The following LDHB variants were observed in gnomAD, a reference collection of about 807,000 sequenced individuals.
The protein encoded by LDHB is lactate dehydrogenase B, also known as L-lactate dehydrogenase B chain.
A neutral mutation model predicts 33.4 loss-of-function variants in LDHB; 18 were observed. The ratio of observed to expected loss-of-function variants is 0.54; its 90% CI spans 0.37 to 0.80. The LOEUF (loss-of-function observed/expected upper bound fraction) is 0.80. Among genes scored for constraint, LDHB ranks in the 30% least tolerant of loss-of-function variants. The pLI is 0.00. For missense variants in LDHB, 345 were observed against 407.9 expected, an observed-to-expected ratio of 0.85 and a Z score of 1.33; for synonymous variants, 121 against 140.6, an observed-to-expected ratio of 0.86 and a Z score of 0.98.
In LDHB at chr12:21,640,984, T is replaced by C. The variant is rs550080202; in HGVS notation, c.595+968A>G. Among the ~76,000 whole-genome samples, 323 of 152,196 alleles carry C rather than the reference T, an allele frequency of 2.1e-3. 1 individual carries two copies. The Middle Eastern group carries it at 0.027, about 13-fold the overall frequency. On this transcript the variant is annotated intron_variant, in intron 5 of 7. Transcript: ENST00000350669. ...TAAATAAAGAGGGAAGATGAAAAAT[T>C]TCTGTCTTACAGTGGAATGCAACTA... is the stretch of plus-strand genomic sequence containing the variant.
rs1389611450 is a variant in LDHB at position 21,635,803 on chromosome 12, C to T, written c.838-94G>A. On this transcript the variant is annotated intron_variant, in intron 7 of 7. Transcript: ENST00000350669. ...CTGAGGTGGGAGGACTGTTTGAGCC[C>T]AGGAGTTTGAAGCTTCAGTGAGCTA... 1.1e-5 allele frequency: 13 copies of T among 1,171,708 alleles called. No homozygotes were observed. In the African/African-American group the frequency reaches 1.2e-4, roughly 11 times the overall value. The allele number at this position is 1,171,708 out of a possible 1,614,324, so 72.6% of individuals were successfully genotyped here.
rs1304175400 is a variant in LDHB, at chr12:21,635,447, C to T, written c.*95G>A. Reference sequence around the variant, plus strand: ...CCCAAATTCACATATTGAAGAAGATCAAAGCAAACTGTGATCCATGTACAT... The same window carrying T: ...CCCAAATTCACATATTGAAGAAGATTAAAGCAAACTGTGATCCATGTACAT... On this transcript the variant is annotated 3_prime_UTR_variant, in exon 8 of 8. Transcript: ENST00000350669. The T allele has an allele frequency of 9.5e-7, 1 of 1,053,620 alleles. No individual in the cohort carries two copies. Among genetic ancestry groups the T allele is most frequent in the Non-Finnish European group, 1.5e-6 (1 of 674,680 alleles). 65.3% of individuals were successfully genotyped at this position (1,053,620 alleles called of 1,614,324 possible).
intron 3 of LDHB, among the ~76,000 whole-genome samples, chr12:21,644,631 TAAGG>T (rs1245423063): frequency 6.6e-6 from 1 of 152,142 alleles, no homozygotes; most frequent in African/African-American, 2.4e-5. Context: ...ATTTTTTTCT[TAAGG>T]AAGTGTGTCC....
intron 6 of LDHB, among the ~76,000 whole-genome samples, chr12:21,637,684 G>A (rs886131720): frequency 1.3e-5 from 2 of 151,988 alleles, no homozygotes; most frequent in African/African-American, 2.4e-5. Context: ...AAAGGCCCTG[G>A]CACTTGAGAA....
intron 3 of LDHB, among the ~76,000 whole-genome samples, chr12:21,644,424 C>CAAAAAAAAAAAAACAAAAAAA (rs1591830643): frequency 2.0e-4 from 3 of 15,244 alleles, no homozygotes; most frequent in African/African-American, 2.6e-4. Flanking sequence ...AGGTAGACAT[C>CAAAAAAAAAAAAACAAAAAAA]AAAAAAAAAA....
At chr12:21,635,829 T>C in intron 7 of LDHB, 120 bp from the exon 8 acceptor site, 2 of 824,120 alleles carry the variant, frequency 2.4e-6, no homozygotes, top group Non-Finnish European at 4.0e-6. Context: ...CAGTGAGCTA[T>C]GACAGCGGTA....
intron 5 of LDHB, 139 bp downstream of exon 5, chr12:21,641,808 GGAATA>G (rs1274253190): frequency 2.9e-5 from 19 of 666,584 alleles, no homozygotes; most frequent in Non-Finnish European, 4.6e-5. Flanking sequence ...AAAGCAAAAT[GGAATA>G]GAATAGAAAA....
chr12:21,651,875 T>A (rs940553806), intron 2 of LDHB, among the ~76,000 whole-genome samples: 5 of 152,240 alleles, frequency 3.3e-5, no homozygotes, highest in African/African-American at 1.2e-4. Flanking sequence ...TCAAAAATAT[T>A]CATTAGATAG....
chr12:21,642,478 C>A (rs777104240), intron 4 of LDHB, among the ~76,000 whole-genome samples: 9 of 151,760 alleles, frequency 5.9e-5, no homozygotes, highest in Non-Finnish European at 1.3e-4. Context: ...TAAGTTTCCC[C>A]CAGTTGTAAC....
rs11547929 is a variant in LDHB at position 21,654,618 on chromosome 12, T to C, written c.54A>G (p.Thr18=). Residue 18 remains threonine (T), a synonymous_variant, in exon 2 of 8, where the codon ACA becomes ACG. Transcript: ENST00000350669. ...LIAPVAEEEA[T]VPNNKITVVG... The stretch of plus-strand genomic sequence containing the variant: ...CTACAGTGATCTTATTGTTTGGAAC[T>C]GTTGCCTCTTCTTCCGCAACTGGTG... 6.2e-7 allele frequency: 1 copy of C among 1,614,072 alleles called. No homozygotes were observed. Among genetic ancestry groups the C allele is most frequent in the Admixed American group, 1.7e-5 (1 of 60,036 alleles).
chr12:21,640,902 G>A (rs1314042296), intron 5 of LDHB, among the ~76,000 whole-genome samples: 3 of 151,590 alleles, frequency 2.0e-5, no homozygotes, highest in Admixed American at 6.6e-5. Flanking sequence ...ACAAATGATA[G>A]TGACACAATA....
chr12:21,656,167 T>C (rs766173034), intron 1 of LDHB, among the ~76,000 whole-genome samples: 7 of 152,194 alleles, frequency 4.6e-5, no homozygotes, highest in African/African-American at 1.2e-4. Context: ...GGACTCAAAG[T>C]TGGAATAAAG....
intron 2 of LDHB, among the ~76,000 whole-genome samples, chr12:21,653,267 A>T (rs1421161685): frequency 6.6e-6 from 1 of 152,184 alleles, no homozygotes; most frequent in African/African-American, 2.4e-5. Flanking sequence ...GATGTTGATA[A>T]TTGCACTGAT....
chr12:21,641,288 T>C (rs568880337), intron 5 of LDHB, among the ~76,000 whole-genome samples: 10 of 152,314 alleles, frequency 6.6e-5, no homozygotes, highest in Admixed American at 5.2e-4. Flanking sequence ...TACATGCCTT[T>C]GGATGTGATG....
At chr12:21,651,149 T>C (rs955982329) in intron 2 of LDHB, among the ~76,000 whole-genome samples, 5 of 152,186 alleles carry the variant, frequency 3.3e-5, no homozygotes, top group African/African-American at 9.7e-5. Flanking sequence ...AAGTCAGAGA[T>C]GGTACCATCA....
chr12:21,647,843 C>G (rs1938569552), intron 2 of LDHB, among the ~76,000 whole-genome samples: 1 of 151,850 alleles, frequency 6.6e-6, no homozygotes, highest in African/African-American at 2.4e-5. Context: ...ATTACAGGTA[C>G]GTGCCACCAC....
At chr12:21,656,122 G>A (rs2136986723) in intron 1 of LDHB, among the ~76,000 whole-genome samples, 1 of 152,298 alleles carries the variant, frequency 6.6e-6, no homozygotes, top group East Asian at 1.9e-4. Flanking sequence ...AATAAGTCTA[G>A]TCTATTAACT....
Position 21,641,959 on chromosome 12 carries a change from G to T in LDHB, c.588C>A (p.Asp196Glu). The change falls in exon 5 of 8, where the codon GAC becomes GAA. Residue 196 changes from aspartate (D) to glutamate (E), a missense_variant. Transcript: ENST00000350669. ...TCTTTTTTTTTTCTTTACCACTTGA[G>T]TCGCCATGTTCCCCCAAAATCCATC... Reference protein sequence around the residue: ...CHGWILGEHGDSSVAVWSGVN... With the variant: ...CHGWILGEHGESSVAVWSGVN... 6.2e-7 allele frequency: 1 copy of T among 1,611,156 alleles called. No homozygotes were observed. Among genetic ancestry groups the T allele is most frequent in the Non-Finnish European group, 8.5e-7 (1 of 1,178,788 alleles).
intron 6 of LDHB, 59 bp from the exon 7 acceptor site, chr12:21,637,253 C>T (rs1443544875): frequency 1.5e-6 from 2 of 1,350,464 alleles, no homozygotes; most frequent in East Asian, 4.6e-5. Context: ...TGAAACCAGA[C>T]CTGACTTTGA....
Sources: allele counts gnomAD v4.1 joint callset (sites outside exome capture counted in the v4.1 genomes callset), GRCh38; gene constraint gnomAD v4.1.1; transcripts MANE v1.5; gene names NCBI Gene and HGNC (gene_info 2026-07-23, HGNC 2026-07-21).